NBN: variants seen among roughly 807,000 people sequenced by gnomAD.
NBN encodes the protein nibrin, also known as Nijmegen breakage syndrome 1 (nibrin).
NBN carries 88 observed loss-of-function variants against 90.8 expected under a neutral mutation model. The observed-to-expected ratio is 0.97, with a 90% CI of 0.82 to 1.16. The LOEUF is 1.16. Ranked by LOEUF, NBN falls within the 50% of genes most tolerant of loss-of-function variation. The probability of loss-of-function intolerance (pLI) is 0.00; values close to 1 mark genes in which losing one functional copy is unlikely to be tolerated. For missense variants in NBN, 894 were observed against 869.6 expected, an observed-to-expected ratio of 1.03 and a Z score of -0.35; for synonymous variants, 328 against 295.1, an observed-to-expected ratio of 1.11 and a Z score of -1.14.
Position 89,980,787 on chromosome 8 carries a change from A to G in NBN, c.427T>C (p.Trp143Arg), listed in dbSNP as rs770995856. Residue 143 changes from tryptophan (W) to arginine (R), a missense_variant, in exon 4 of 16, where the codon TGG becomes CGG. Transcript: ENST00000265433. Reference sequence around the variant, plus strand: ...ACAAGGTGAGTGCATTCTTCTGTCCAATTGTTTACAGTAAATCCTCCAAGT... The same window carrying G: ...ACAAGGTGAGTGCATTCTTCTGTCCGATTGTTTACAGTAAATCCTCCAAGT... ...LQLGGFTVNN[W>R]TEECTHLVMV... 3 of 1,613,526 alleles carry G rather than the reference A, an allele frequency of 1.9e-6. No individual in the cohort carries two copies. The highest frequency in any genetic ancestry group is 1.7e-5 in the Admixed American group (1 of 60,012).
Position 89,984,530 on chromosome 8 carries a change from G to A in NBN, c.32C>T (p.Ala11Val), listed in dbSNP as rs1812242013. 2 of 1,613,042 alleles carry A rather than the reference G, an allele frequency of 1.2e-6. No individual in the cohort carries two copies. The highest frequency in any genetic ancestry group is 4.5e-5 in the East Asian group (2 of 44,876). Residue 11 changes from alanine to valine, a missense_variant, in exon 1 of 16, where the codon GCA becomes GTA. Coordinates refer to ENST00000265433, the MANE Select transcript of NBN (RefSeq NM_002485.5). MWKLLPAAGP[A>V]GGEPYRLLTG... ...GGCTTCCCTTCTGCCCTTACCTCCT[G>A]CCGGGCCCGCGGCGGGCAGCAGTTT...
At position 89,935,214 on chromosome 8, in the gene NBN, G is replaced by T; in HGVS notation, c.*368C>A. On this transcript the variant is annotated 3_prime_UTR_variant, in exon 16 of 16. Coordinates refer to ENST00000265433, the MANE Select transcript of NBN (RefSeq NM_002485.5). The stretch of plus-strand genomic sequence containing the variant: ...AATAGGACTCAAAAATCCCTGGAAA[G>T]ATTCATAAGAAATGAGTATCATGAA... 1 of 279,252 alleles carries T rather than the reference G, an allele frequency of 3.6e-6. No individual in the cohort carries two copies. Among genetic ancestry groups the T allele is most frequent in the Non-Finnish European group, 6.9e-6 (1 of 145,770 alleles). 17.3% of individuals were successfully genotyped at this position (279,252 alleles called of 1,614,324 possible).
At chr8:89,975,968 T>C (rs1811734019) in intron 5 of NBN, among the ~76,000 whole-genome samples, 1 of 152,192 alleles carries the variant, frequency 6.6e-6, no homozygotes, top group South Asian at 2.1e-4. Context: ...TGCAAGTTTG[T>C]AGTTATGTCG....
intron 12 of NBN, chr8:89,946,577 TAATA>T (rs1810203381): frequency 2.9e-6 from 1 of 347,470 alleles, no homozygotes; most frequent in African/African-American, 2.1e-5. Flanking sequence ...GTAGTTATTC[TAATA>T]AATATCATCT....
chr8:89,943,303 G>T lies in NBN; in HGVS notation c.2134C>A (p.His712Asn), dbSNP rs781520763. 1.9e-6 allele frequency: 3 copies of T among 1,613,468 alleles called. No homozygotes were observed. The African/African-American group carries it at 4.0e-5, about 22-fold the overall frequency. The change falls in exon 14 of 16, where the codon CAT becomes AAT. Residue 712 changes from histidine to asparagine, a missense_variant. Transcript: ENST00000265433. ...IIGGSDLIAH[H>N]ARKNTELEEW... ...TCTAGTTCTGTATTCTTTCGAGCAT[G>T]ATGAGCTATTAGATCTGATCCTCCA... is the stretch of plus-strand genomic sequence containing the variant.
At chr8:89,939,527 G>A (rs913392506) in intron 14 of NBN, among the ~76,000 whole-genome samples, 11 of 151,804 alleles carry the variant, frequency 7.2e-5, no homozygotes, top group African/African-American at 2.7e-4. Flanking sequence ...AACAAAACTC[G>A]ACAGTGTTAA....
intron 5 of NBN, among the ~76,000 whole-genome samples, chr8:89,972,122 C>T (rs967773391): frequency 6.6e-6 from 1 of 152,194 alleles, no homozygotes; most frequent in African/African-American, 2.4e-5. Context: ...AGTTAACTAT[C>T]TGCAGAGATC....
Position 89,970,419 on chromosome 8 carries a change from A to C in NBN, c.841T>G (p.Leu281Val). Residue 281 changes from leucine to valine, a missense_variant, in exon 7 of 16, where the codon TTA becomes GTA. Coordinates refer to ENST00000265433, the MANE Select transcript of NBN (RefSeq NM_002485.5). ...CATTTCTTCTGACAGTCAGGAATTA[A>C]GGTCTGTGAGTTTGTTATTCCTGTA... ...VDTGITNSQT[L>V]IPDCQKKWIQ... 6.2e-7 allele frequency: 1 copy of C among 1,613,978 alleles called. No homozygotes were observed.
At chr8:89,935,731 G>A (rs1686067468) in intron 15 of NBN, 119 bp from the exon 16 acceptor site, 2 of 1,271,668 alleles carry the variant, frequency 1.6e-6, no homozygotes. Flanking sequence ...TGACAATTTT[G>A]TCCTTAGGAT....
chr8:89,946,021 T>C, intron 13 of NBN, 119 bp downstream of exon 13: 1 of 759,814 alleles, frequency 1.3e-6, no homozygotes, highest in East Asian at 2.6e-5. Flanking sequence ...TTTTAAAGCA[T>C]TTTAAGCAGA....
intron 6 of NBN, 149 bp from the exon 7 acceptor site, chr8:89,970,706 C>CG: frequency 1.3e-6 from 1 of 768,802 alleles, no homozygotes; most frequent in Non-Finnish European, 2.2e-6. Context: ...TTGAGAAAGT[C>CG]CCTAGTTCAA....
chr8:89,955,018 T>C (rs1327129724), intron 10 of NBN, among the ~76,000 whole-genome samples: 1 of 152,036 alleles, frequency 6.6e-6, no homozygotes, highest in Non-Finnish European at 1.5e-5. Context: ...ATTTTAGAGC[T>C]GAGACAGGGG....
At chr8:89,937,489 G>A (rs184291350) in intron 14 of NBN, 309 of 197,588 alleles carry the variant, frequency 1.6e-3, no homozygotes, top group African/African-American at 6.9e-3. Context: ...CTGTGTTCTT[G>A]GTCCCACATC....
intron 3 of NBN, 29 bp from the exon 4 acceptor site, chr8:89,980,922 CAT>C (rs1563579752): frequency 6.2e-7 from 1 of 1,604,510 alleles, no homozygotes; most frequent in South Asian, 1.1e-5. Flanking sequence ...TAAATAAAGT[CAT>C]AGTATCAGAG....
At chr8:89,973,824 G>C (rs764805706) in intron 5 of NBN, among the ~76,000 whole-genome samples, 2 of 152,068 alleles carry the variant, frequency 1.3e-5, no homozygotes, top group Non-Finnish European at 2.9e-5. Flanking sequence ...TGAATATAAC[G>C]ATACTACAAA....
intron 14 of NBN, among the ~76,000 whole-genome samples, chr8:89,940,983 T>A (rs1036890579): frequency 6.6e-6 from 1 of 152,166 alleles, no homozygotes; most frequent in Non-Finnish European, 1.5e-5. Context: ...TAAGGTCACA[T>A]ACTTGGTGAG....
At chr8:89,979,929 G>A (rs1811976708) in intron 4 of NBN, among the ~76,000 whole-genome samples, 1 of 152,176 alleles carries the variant, frequency 6.6e-6, no homozygotes, top group Non-Finnish European at 1.5e-5. Context: ...AAAGAGGACT[G>A]TGCTAGGGCC....
chr8:89,970,357 T>G lies in NBN; in HGVS notation c.896+7A>C. 1 of 1,596,546 alleles carries G rather than the reference T, an allele frequency of 6.3e-7. No individual in the cohort carries two copies. The highest frequency in any genetic ancestry group is 8.6e-7 in the Non-Finnish European group (1 of 1,164,514). On this transcript the variant is annotated splice_region_variant and intron_variant, in intron 7 of 15. Coordinates refer to ENST00000265433, the MANE Select transcript of NBN (RefSeq NM_002485.5). Reference sequence around the variant, plus strand: ...CAGTTTTTTACTAATAAAGAATAATTCTATACCTTTGGAGCATATCCATTA... The same window carrying G: ...CAGTTTTTTACTAATAAAGAATAATGCTATACCTTTGGAGCATATCCATTA...
intron 5 of NBN, among the ~76,000 whole-genome samples, chr8:89,976,226 G>A (rs988924464): frequency 1.3e-5 from 2 of 152,122 alleles, no homozygotes; most frequent in Non-Finnish European, 2.9e-5. Flanking sequence ...TGCCTACCTT[G>A]GCATCCCGAA....
Sources: gnomAD v4.1 joint callset for allele counts (sites outside exome capture counted in the v4.1 genomes callset) on GRCh38, gnomAD v4.1.1 for gene constraint, MANE v1.5 for transcripts, NCBI Gene and HGNC (gene_info 2026-07-23, HGNC 2026-07-21) for gene names.